PUDP: variants seen among roughly 807,000 people sequenced by gnomAD.
The protein encoded by PUDP is pseudouridine 5'-phosphatase, also known as pseudouridine-5'-phosphatase.
A neutral mutation model predicts 9.4 loss-of-function variants in PUDP; 8 were observed. That is an observed-to-expected ratio of 0.85 (90% CI 0.50 to 1.53). The LOEUF is 1.53. PUDP is among the 40% of genes most tolerant of loss of function. The pLI, the probability that PUDP is intolerant of heterozygous loss-of-function variation, is 0.00. For missense variants in PUDP, 188 were observed against 189.7 expected, an observed-to-expected ratio of 0.99 and a Z score of 0.05; for synonymous variants, 99 against 80.7, an observed-to-expected ratio of 1.23 and a Z score of -1.22.
At chrX:7,089,126 G>A (rs1444614411) in intron 2 of PUDP, among the ~76,000 whole-genome samples, 1 of 111,428 alleles carries the variant, frequency 9.0e-6, no homozygotes, top group Admixed American at 9.5e-5. Flanking sequence ...AGTGGGGGCT[G>A]AGCCGCCAGG....
intron 3 of PUDP, among the ~76,000 whole-genome samples, chrX:6,948,868 T>G (rs1449476038): frequency 9.0e-6 from 1 of 111,702 alleles, no homozygotes; most frequent in Admixed American, 9.5e-5. Context: ...AACTGTCCAC[T>G]TCCATGGAAA....
chrX:6,779,888 C>G (rs1289764474), intron 3 of PUDP, among the ~76,000 whole-genome samples: 1 of 111,106 alleles, frequency 9.0e-6, no homozygotes, highest in Non-Finnish European at 1.9e-5. Context: ...GTTCACGCCA[C>G]TGCACTCTAG....
At chrX:7,124,003 A>G (rs1404104155) in intron 1 of PUDP, among the ~76,000 whole-genome samples, 1 of 112,261 alleles carries the variant, frequency 8.9e-6, no homozygotes, top group Non-Finnish European at 1.9e-5. Context: ...CGGAAGACAA[A>G]TACAAGACTT....
intron 3 of PUDP, among the ~76,000 whole-genome samples, chrX:7,068,639 GGA>G (rs758940149): frequency 2.6e-4 from 29 of 112,437 alleles, no homozygotes; most frequent in Middle Eastern, 4.6e-3. Context: ...CGGCATGTGA[GGA>G]GAGAGAATCC....
chrX:7,122,215 A>ATGTG (rs62871862), intron 1 of PUDP, among the ~76,000 whole-genome samples: 3,157 of 99,913 alleles, frequency 0.032, 130 homozygotes, highest in African/African-American at 0.11. Flanking sequence ...AAACCCATAT[A>ATGTG]TGTGTGTGTG....
intron 3 of PUDP, among the ~76,000 whole-genome samples, chrX:6,873,828 A>G (rs1485985502): frequency 8.9e-6 from 1 of 112,249 alleles, no homozygotes; most frequent in Non-Finnish European, 1.9e-5. Flanking sequence ...CTAAGATCAT[A>G]TAGTTGTTTA....
At chrX:6,916,221 CA>C (rs1927927891) in intron 3 of PUDP, among the ~76,000 whole-genome samples, 1 of 104,117 alleles carries the variant, frequency 9.6e-6, no homozygotes, top group African/African-American at 3.6e-5. Flanking sequence ...CACACACACA[CA>C]CACACACACA....
chrX:6,992,427 C>T (rs1015585056), intron 1 of PUDP, among the ~76,000 whole-genome samples: 5 of 104,161 alleles, frequency 4.8e-5, no homozygotes, highest in Admixed American at 1.0e-4. Flanking sequence ...CGCCCGCCAC[C>T]GTGCCCGGCT....
chrX:7,032,424 T>A (rs1929803490), intron 1 of PUDP, among the ~76,000 whole-genome samples: 1 of 112,305 alleles, frequency 8.9e-6, no homozygotes, highest in Admixed American at 9.5e-5. Flanking sequence ...AGATATTCAT[T>A]GTAGCATTAT....
At chrX:6,881,176 G>C (rs1927341040) in intron 3 of PUDP, among the ~76,000 whole-genome samples, 1 of 111,762 alleles carries the variant, frequency 8.9e-6, no homozygotes, top group African/African-American at 3.2e-5. Context: ...GCTTATGTAA[G>C]CAAATTGAAT....
chrX:6,944,533 A>G (rs1928439555), intron 3 of PUDP, among the ~76,000 whole-genome samples: 1 of 94,872 alleles, frequency 1.1e-5, no homozygotes, highest in South Asian at 7.1e-4. Flanking sequence ...GGCAAAATCT[A>G]GAGTTCCTTC....
At chrX:6,885,840 T>C (rs186154791) in intron 3 of PUDP, among the ~76,000 whole-genome samples, 5 of 112,697 alleles carry the variant, frequency 4.4e-5, no homozygotes, top group African/African-American at 1.3e-4. Context: ...TAAGGTGATA[T>C]TGCAACACCA....
intron 3 of PUDP, among the ~76,000 whole-genome samples, chrX:6,787,697 G>A (rs923114688): frequency 1.8e-5 from 2 of 112,182 alleles, no homozygotes; most frequent in African/African-American, 3.2e-5. Flanking sequence ...CTTATCTGTT[G>A]AGGATGAGAC....
At chrX:6,816,931 TAC>T (rs2044008675) in intron 3 of PUDP, among the ~76,000 whole-genome samples, 1 of 94,477 alleles carries the variant, frequency 1.1e-5, no homozygotes, top group African/African-American at 4.0e-5. Flanking sequence ...ATAATATATA[TAC>T]ACATATAGTA....
chrX:6,916,231 CACACACACACACACACA>C (rs1232639679), intron 3 of PUDP, among the ~76,000 whole-genome samples: 2,107 of 104,389 alleles, frequency 0.02, 33 homozygotes, highest in African/African-American at 0.039. Context: ...CACACACACA[CACACACACACACACACA>C]CCCTGGGGAA....
chrX:6,853,953 G>C (rs1926867296), intron 3 of PUDP, among the ~76,000 whole-genome samples: 1 of 110,496 alleles, frequency 9.1e-6, no homozygotes, highest in Admixed American at 9.7e-5. Flanking sequence ...TAGTAGAGAT[G>C]GGGTTTTGTC....
At chrX:6,874,255 A>G (rs182728831) in intron 3 of PUDP, among the ~76,000 whole-genome samples, 5 of 112,149 alleles carry the variant, frequency 4.5e-5, no homozygotes, top group African/African-American at 1.6e-4. Flanking sequence ...AGATTACAAA[A>G]ATATTTTATC....
chrX:7,006,473 C>A (rs1929404003), intron 1 of PUDP, among the ~76,000 whole-genome samples: 1 of 111,464 alleles, frequency 9.0e-6, no homozygotes, highest in African/African-American at 3.3e-5. Context: ...TGCTTGCTGG[C>A]TACTTGTAAA....
chrX:6,793,580 A>C (rs1925788508), intron 3 of PUDP, among the ~76,000 whole-genome samples: 1 of 112,196 alleles, frequency 8.9e-6, no homozygotes, highest in Non-Finnish European at 1.9e-5. Flanking sequence ...TCTTTCAATC[A>C]ACCCTGGTCA....
Sources: gnomAD v4.1 joint callset for allele counts (sites outside exome capture counted in the v4.1 genomes callset) on GRCh38, gnomAD v4.1.1 for gene constraint, MANE v1.5 for transcripts, NCBI Gene and HGNC (gene_info 2026-07-23, HGNC 2026-07-21) for gene names.